Variants in CDC45 observed in about 807,000 individuals in gnomAD.
The protein encoded by CDC45 is cell division control protein 45 homolog.
A neutral mutation model predicts 77.8 loss-of-function variants in CDC45; 54 were observed. That is an observed-to-expected ratio of 0.69 (90% CI 0.56 to 0.87). The LOEUF (loss-of-function observed/expected upper bound fraction) is 0.87. Ranked by LOEUF, CDC45 falls within the 40% of genes least tolerant of loss-of-function variation. The pLI, the probability that CDC45 is intolerant of heterozygous loss-of-function variation, is 0.00. For synonymous variants in CDC45, 260 were observed against 272.1 expected (o/e 0.96, Z 0.44); for missense variants, 649 against 721.6 (o/e 0.90, Z 1.15).
At chr22:19,486,470 A>G (rs1284490154) in intron 5 of CDC45, among the ~76,000 whole-genome samples, 1 of 151,964 alleles carries the variant, frequency 6.6e-6, no homozygotes, top group African/African-American at 2.4e-5. Context: ...TTTGTTTTTA[A>G]TGACATTGAA....
chr22:19,483,427 G>A (rs934699941), intron 4 of CDC45, among the ~76,000 whole-genome samples: 10 of 151,962 alleles, frequency 6.6e-5, no homozygotes, highest in Admixed American at 2.0e-4. Flanking sequence ...GCGAGACTCC[G>A]TCTCCAAAAA....
intron 17 of CDC45, among the ~76,000 whole-genome samples, chr22:19,518,177 G>A (rs1045726142): frequency 1.3e-5 from 2 of 152,240 alleles, no homozygotes; most frequent in Non-Finnish European, 2.9e-5. Context: ...TATACAGGGA[G>A]GACTCGGGCT....
At chr22:19,481,964 A>G (rs2089990658) in intron 3 of CDC45, among the ~76,000 whole-genome samples, 1 of 152,222 alleles carries the variant, frequency 6.6e-6, no homozygotes, top group Non-Finnish European at 1.5e-5. Flanking sequence ...TTATTTTAGA[A>G]TACACTACTA....
chr22:19,491,581 A>T (rs5748238), intron 5 of CDC45, among the ~76,000 whole-genome samples: 128,216 of 152,218 alleles, frequency 0.84, 54,407 homozygotes, highest in African/African-American at 0.94. Flanking sequence ...TTCAGGCTTT[A>T]TCCCTATCAT....
At chr22:19,509,868 A>G (rs568727310) in intron 13 of CDC45, among the ~76,000 whole-genome samples, 17 of 152,204 alleles carry the variant, frequency 1.1e-4, no homozygotes, top group Non-Finnish European at 1.8e-4. Flanking sequence ...TCTGCTCCCA[A>G]GCACACTTTT....
intron 13 of CDC45, among the ~76,000 whole-genome samples, chr22:19,510,061 A>G (rs568429112): frequency 6.6e-6 from 1 of 152,156 alleles, no homozygotes; most frequent in Non-Finnish European, 1.5e-5. Context: ...TCCCAGTCTC[A>G]AGCAATCTTC....
In CDC45 at chr22:19,482,674, T is replaced by G. The variant is rs746767667; in HGVS notation, c.205-16T>G. The G allele has an allele frequency of 6.2e-7, 1 of 1,611,846 alleles. No homozygotes were observed. Among genetic ancestry groups the G allele is most frequent in the Non-Finnish European group, 8.5e-7 (1 of 1,178,116 alleles). On this transcript the variant is annotated splice_polypyrimidine_tract_variant and intron_variant, in intron 3 of 18. Transcript: ENST00000263201. ...TCCTCGATATAGCTACTTTACAATA[T>G]CTTCCTTTTTTTCAGTTTCATTATT...
rs140322380 is a variant in CDC45, at chr22:19,514,877, C to T, written c.1346C>T (p.Ser449Phe). Residue 449 changes from serine (S) to phenylalanine (F), a missense_variant, in exon 14 of 19, where the codon TCT (serine) becomes TTT (phenylalanine). Ser to Phe is a radical substitution (Grantham distance 155). Transcript: ENST00000263201. ...VISQGPFLYC[S>F]LMEGTPDVML... ...TCCCAGGGGCCTTTCCTGTACTGCT[C>T]TCTCATGGAGGTCAGGCTTCCCACA... The T allele has an allele frequency of 6.2e-7, 1 of 1,614,242 alleles. No homozygotes were observed.
intron 5 of CDC45, among the ~76,000 whole-genome samples, chr22:19,493,846 A>G (rs1019194653): frequency 1.3e-5 from 2 of 152,264 alleles, no homozygotes; most frequent in African/African-American, 4.8e-5. Flanking sequence ...TCTCGGGACC[A>G]TGGATTTCTA....
rs1452759926 is a variant in CDC45, at chr22:19,506,913, G to T, written c.825-473G>T. Among the ~76,000 whole-genome samples the T allele has an allele frequency of 2.0e-5, 3 of 151,428 alleles. 1 individual carries two copies. The East Asian group carries it at 5.8e-4, about 29-fold the overall frequency. ...CGTGCCACTGCACTCCAGCCTGGGC[G>T]ACAGAGCGAGACTCCGTCTCAAAAA... On this transcript the variant is annotated intron_variant, in intron 10 of 18. Coordinates refer to ENST00000263201, the MANE Select transcript of CDC45 (RefSeq NM_003504.5).
chr22:19,516,683 G>A (rs1449997236), intron 16 of CDC45, 38 bp downstream of exon 16: 3 of 1,571,888 alleles, frequency 1.9e-6, no homozygotes. Context: ...TGGAGGGTCG[G>A]GGGTGTTGGG....
intron 10 of CDC45, among the ~76,000 whole-genome samples, chr22:19,506,950 A>G (rs577546242): frequency 2.6e-5 from 4 of 151,848 alleles, no homozygotes; most frequent in Admixed American, 6.6e-5. Flanking sequence ...AAAAAACGAA[A>G]AAAGGGCTGA....
Position 19,516,397 on chromosome 22 carries a change from G to A in CDC45, c.1441-130G>A, listed in dbSNP as rs13447281. On this transcript the variant is annotated intron_variant, in intron 15 of 18. Transcript: ENST00000263201. ...CTTGGGGTGGCTGGGTGGGGACCAA[G>A]GCGTCTCCTGGTGACAGCGTCCCTG... 4,643 of 751,552 alleles carry A rather than the reference G, an allele frequency of 6.2e-3. 26 individuals carry two copies. Among genetic ancestry groups the A allele is most frequent in the Non-Finnish European group, 7.6e-3 (3,241 of 427,710 alleles). The allele number at this position is 751,552 out of a possible 1,614,324, so 46.6% of individuals were successfully genotyped here.
intron 9 of CDC45, among the ~76,000 whole-genome samples, chr22:19,499,576 A>G (rs2090303808): frequency 6.6e-6 from 1 of 152,146 alleles, no homozygotes. Flanking sequence ...GTTTGACCCC[A>G]AAGGTAAGGG....
chr22:19,519,015 G>T (rs1933961672), intron 18 of CDC45, 106 bp downstream of exon 18: 3 of 860,416 alleles, frequency 3.5e-6, no homozygotes, highest in African/African-American at 1.7e-5. Flanking sequence ...TTGGGTTTCA[G>T]ACCGAAGCAG....
rs1416986104 is a variant in CDC45, at chr22:19,507,853, A to G, written c.1044A>G (p.Ala348=). Residue 348 remains alanine, a synonymous_variant, in exon 12 of 19, where the codon GCA becomes GCG. Transcript: ENST00000263201. ...ENLREMIEES[A]NKFGMKDMRV... is the part of the protein sequence containing the mutation. ...TGCGGGAAATGATTGAAGAGTCTGC[A>G]AATAAATTTGGGTAAACACACATTT... 3 of 1,597,444 alleles carry G rather than the reference A, an allele frequency of 1.9e-6. No homozygotes were observed. In the Admixed American group the frequency reaches 5.4e-5, roughly 29 times the overall value.
In CDC45 at chr22:19,499,017, C is replaced by T. The variant is rs13447229; in HGVS notation, c.654-84C>T. The T allele has an allele frequency of 1.6e-3, 2,324 of 1,431,512 alleles. 31 individuals carry two copies. In the African/African-American group the frequency reaches 0.029, roughly 18 times the overall value. 88.7% of individuals were successfully genotyped at this position (1,431,512 alleles called of 1,614,324 possible). On this transcript the variant is annotated intron_variant, in intron 8 of 18. Transcript: ENST00000263201. Reference sequence around the variant, plus strand: ...TTCCCCAGAGTGCTGAGCTTGGGCCCGTTCCATCATCTCACTCCATCCCCC... The same window carrying T: ...TTCCCCAGAGTGCTGAGCTTGGGCCTGTTCCATCATCTCACTCCATCCCCC...
At chr22:19,483,319 C>A (rs1290581270) in intron 4 of CDC45, among the ~76,000 whole-genome samples, 1 of 152,126 alleles carries the variant, frequency 6.6e-6, no homozygotes, top group African/African-American at 2.4e-5. Flanking sequence ...GTAGTCCCAG[C>A]TACTCAGGAG....
rs956979650 is a variant in CDC45, at chr22:19,508,782, G to C, written c.1217+91G>C. 52 of 1,262,748 alleles carry C rather than the reference G, an allele frequency of 4.1e-5. No homozygotes were observed. In the African/African-American group the frequency reaches 7.6e-4, roughly 18 times the overall value. The allele number at this position is 1,262,748 out of a possible 1,614,324, so 78.2% of individuals were successfully genotyped here. On this transcript the variant is annotated intron_variant, in intron 13 of 18. Transcript: ENST00000263201. ...CAGTTACGGGGACCCCAGGGCTGTGGGAGTGACTGTGTCCTGCAGAAACTG... is the reference window on the plus strand; with the variant it reads ...CAGTTACGGGGACCCCAGGGCTGTGCGAGTGACTGTGTCCTGCAGAAACTG...
Sources: allele counts gnomAD v4.1 joint callset (sites outside exome capture counted in the v4.1 genomes callset), GRCh38; gene constraint gnomAD v4.1.1; transcripts MANE v1.5; gene names NCBI Gene and HGNC (gene_info 2026-07-23, HGNC 2026-07-21).